The following RASGRP2 variants were observed in gnomAD, a reference collection of about 807,000 sequenced individuals.
The protein encoded by RASGRP2 is RAS guanyl releasing protein 2.
A neutral mutation model predicts 71.0 loss-of-function variants in RASGRP2; 44 were observed. That is an observed-to-expected ratio of 0.62 (90% CI 0.49 to 0.80). RASGRP2 has a LOEUF of 0.80. RASGRP2 is among the 30% of genes least tolerant of loss of function. RASGRP2 has a pLI of 0.00. For missense variants in RASGRP2, 663 were observed against 813.4 expected, an observed-to-expected ratio of 0.82 and a Z score of 2.25; for synonymous variants, 350 against 330.7, an observed-to-expected ratio of 1.06 and a Z score of -0.63.
intron 12 of RASGRP2, among the ~76,000 whole-genome samples, chr11:64,733,310 G>A (rs1483819327): frequency 6.6e-6 from 1 of 151,852 alleles, no homozygotes; most frequent in African/African-American, 2.4e-5. Flanking sequence ...GGTGAGCTGG[G>A]CCTGGTCCTG....
At chr11:64,741,647 C>G in intron 3 of RASGRP2, 146 bp from the exon 4 acceptor site, 1 of 774,974 alleles carries the variant, frequency 1.3e-6, no homozygotes, top group Non-Finnish European at 2.2e-6. Context: ...GGCTTGAGCT[C>G]TGGGAGGGGT....
Position 64,727,129 on chromosome 11 carries a change from C to G in RASGRP2, c.*9G>C. On this transcript the variant is annotated splice_region_variant and 3_prime_UTR_variant, in exon 17 of 17. Transcript: ENST00000394432. ...CAGGAATGAGTCCTTGATCCAACCACAGCTGGGAAGAGAAAAACAGGTTGT... is the reference window on the plus strand; with the variant it reads ...CAGGAATGAGTCCTTGATCCAACCAGAGCTGGGAAGAGAAAAACAGGTTGT... 1.6e-6 allele frequency: 1 copy of G among 616,268 alleles called. No homozygotes were observed. Among genetic ancestry groups the G allele is most frequent in the Non-Finnish European group, 3.0e-6 (1 of 334,678 alleles). The allele number at this position is 616,268 out of a possible 1,614,324, so 38.2% of individuals were successfully genotyped here.
chr11:64,740,826 G>A, intron 5 of RASGRP2, 122 bp downstream of exon 5: 4 of 1,340,024 alleles, frequency 3.0e-6, no homozygotes, highest in Non-Finnish European at 4.3e-6. Context: ...AGGGAGCCAT[G>A]GAAGGTTTTT....
chr11:64,734,906 T>C (rs1328272901), intron 12 of RASGRP2, among the ~76,000 whole-genome samples: 1 of 152,142 alleles, frequency 6.6e-6, no homozygotes, highest in African/African-American at 2.4e-5. Context: ...GAGCCCCCCA[T>C]CTGTCTGAAT....
rs564246353 is a variant in RASGRP2, at chr11:64,735,678, C to T, written c.1174-14G>A. On this transcript the variant is annotated splice_polypyrimidine_tract_variant and intron_variant, in intron 10 of 16. Coordinates refer to ENST00000394432, the MANE Select transcript of RASGRP2 (RefSeq NM_001098671.2). The surrounding 1 kb of genome is among the most constrained non-coding windows in gnomAD (Gnocchi z 4.2). ...GGGGCTGGTTGGCTATGGAAATGGT[C>T]GGGCCTGAGCTAGGGCCAGAGGCAG... is the stretch of plus-strand genomic sequence containing the variant. The T allele has an allele frequency of 1.6e-5, 26 of 1,604,388 alleles. No homozygotes were observed. In the East Asian group the frequency reaches 3.8e-4, roughly 24 times the overall value.
At chr11:64,730,498 C>T (rs2057730864) in intron 12 of RASGRP2, among the ~76,000 whole-genome samples, 1 of 152,256 alleles carries the variant, frequency 6.6e-6, no homozygotes, top group Non-Finnish European at 1.5e-5. Context: ...AACCATCAGC[C>T]TCGGGCTCCC....
rs995834222 is a variant in RASGRP2 at position 64,742,684 on chromosome 11, C to G, written c.73+110G>C. 1.4e-6 allele frequency: 2 copies of G among 1,414,234 alleles called. No individual in the cohort carries two copies. Among genetic ancestry groups the G allele is most frequent in the Admixed American group, 3.9e-5 (2 of 50,780 alleles). 87.6% of individuals were successfully genotyped at this position (1,414,234 alleles called of 1,614,324 possible). On this transcript the variant is annotated intron_variant, in intron 2 of 16. Coordinates refer to ENST00000394432, the MANE Select transcript of RASGRP2 (RefSeq NM_001098671.2). The surrounding 1 kb of genome is among the most constrained non-coding windows in gnomAD (Gnocchi z 4.7). ...GTTAAAGAGACTGCACGCTGCGGAGCAGGGTGGGTCCGGGTCAGGGCTGTG... is the reference window on the plus strand; with the variant it reads ...GTTAAAGAGACTGCACGCTGCGGAGGAGGGTGGGTCCGGGTCAGGGCTGTG...
At chr11:64,744,284 G>C, upstream of RASGRP2, 1 of 985,462 alleles carries the variant, frequency 1.0e-6, no homozygotes, top group South Asian at 4.7e-5. Flanking sequence ...CCCAGATTTT[G>C]GCAGAGCCTT....
chr11:64,741,588 G>A (rs1272013010), intron 3 of RASGRP2, 87 bp from the exon 4 acceptor site: 3 of 1,207,580 alleles, frequency 2.5e-6, no homozygotes, highest in Non-Finnish European at 3.6e-6. Context: ...GGTTCTAGGA[G>A]ACACGTTCTA....
chr11:64,737,210 A>G, intron 8 of RASGRP2, 176 bp from the exon 9 acceptor site: 1 of 730,078 alleles, frequency 1.4e-6, no homozygotes, highest in Non-Finnish European at 2.3e-6. Context: ...ATTCATTGCC[A>G]TGAATTCAAG....
At chr11:64,736,195 T>C (rs1385236605) in intron 9 of RASGRP2, among the ~76,000 whole-genome samples, 1 of 152,146 alleles carries the variant, frequency 6.6e-6, no homozygotes, top group African/African-American at 2.4e-5. Flanking sequence ...GAACACAACA[T>C]ATTGCCAAGA....
In RASGRP2 at chr11:64,741,046, G is replaced by A; in HGVS notation, c.273C>T (p.Asp91=). The stretch of plus-strand genomic sequence containing the variant: ...TCTGCTCAGCCAACTCCGGGTTCAA[G>A]TCAAACTCCGCTGGGAAGGCGGAGA... The part of the protein sequence containing the change: ...YWISAFPAEF[D]LNPELAEQIK... The change falls in exon 5 of 17, where the codon GAC becomes GAT. Residue 91 remains aspartate, a synonymous_variant. Transcript: ENST00000394432. The A allele has an allele frequency of 6.2e-7, 1 of 1,613,696 alleles. No individual in the cohort carries two copies. The highest frequency in any genetic ancestry group is 1.1e-5 in the South Asian group (1 of 91,048).
Position 64,730,012 on chromosome 11 carries a change from G to C in RASGRP2, c.1554+41C>G, listed in dbSNP as rs767073635. On this transcript the variant is annotated intron_variant, in intron 13 of 16. Transcript: ENST00000394432. ...AAGGGAGGGCGGGGCCGGGGCTGGAGGGGCGTGGCTTGGGCCGTGAGCCGG... is the reference window on the plus strand; with the variant it reads ...AAGGGAGGGCGGGGCCGGGGCTGGACGGGCGTGGCTTGGGCCGTGAGCCGG... 5.8e-6 allele frequency: 9 copies of C among 1,542,168 alleles called. No homozygotes were observed. In the South Asian group the frequency reaches 1.1e-4, roughly 18 times the overall value.
chr11:64,739,627 G>A lies in RASGRP2; in HGVS notation c.696+9C>T. On this transcript the variant is annotated intron_variant, in intron 7 of 16. Coordinates refer to ENST00000394432, the MANE Select transcript of RASGRP2 (RefSeq NM_001098671.2). This position sits in a 1 kb window ranked among gnomAD's most constrained non-coding sequence, Gnocchi z 4.2. ...TGGTTGGGAGACACCGGGAGGGAGG[G>A]GCAGGCACCTCCGCCACGTGGACAA... The A allele has an allele frequency of 6.2e-7, 1 of 1,612,908 alleles. No homozygotes were observed. Among genetic ancestry groups the A allele is most frequent in the South Asian group, 1.1e-5 (1 of 91,070 alleles).
intron 14 of RASGRP2, 119 bp from the exon 15 acceptor site, chr11:64,729,161 A>C: frequency 1.0e-6 from 1 of 992,934 alleles, no homozygotes; most frequent in Non-Finnish European, 1.5e-6. Context: ...GCCCCACCAA[A>C]ATAAGAGTCT....
chr11:64,738,348 G>A (rs1241059830), intron 8 of RASGRP2, among the ~76,000 whole-genome samples: 1 of 152,182 alleles, frequency 6.6e-6, no homozygotes, highest in Non-Finnish European at 1.5e-5. Context: ...GGGCGCTTGG[G>A]GGCCTGGCAA....
Position 64,742,542 on chromosome 11 carries a change from T to G in RASGRP2, c.73+252A>C. 3.3e-6 allele frequency: 2 copies of G among 597,018 alleles called. No individual in the cohort carries two copies. Among genetic ancestry groups the G allele is most frequent in the South Asian group, 3.9e-5 (2 of 50,732 alleles). The allele number at this position is 597,018 out of a possible 1,614,324, so 37.0% of individuals were successfully genotyped here. A position where few individuals can be genotyped will look rare whatever the true frequency, so the allele number is the denominator to read the frequency against. ...CGGGAGACAGATAATGCCCCTCAAG[T>G]GTCAGAGTCCGGGACCCGGCCCTCC... On this transcript the variant is annotated intron_variant, in intron 2 of 16. Transcript: ENST00000394432. This position sits in a 1 kb window ranked among gnomAD's most constrained non-coding sequence, Gnocchi z 4.7.
At chr11:64,731,206 A>C (rs1359550154) in intron 12 of RASGRP2, among the ~76,000 whole-genome samples, 1 of 152,146 alleles carries the variant, frequency 6.6e-6, no homozygotes, top group Non-Finnish European at 1.5e-5. Context: ...AATACAAAAA[A>C]TTAGCCAGGC....
Position 64,726,954 on chromosome 11 carries a change from C to A in RASGRP2, c.*184G>T. 4.1e-6 allele frequency: 1 copy of A among 243,026 alleles called. No homozygotes were observed. Among genetic ancestry groups the A allele is most frequent in the East Asian group, 9.4e-5 (1 of 10,602 alleles). The allele number at this position is 243,026 out of a possible 1,614,324, so 15.1% of individuals were successfully genotyped here. On this transcript the variant is annotated 3_prime_UTR_variant, in exon 17 of 17. Coordinates refer to ENST00000394432, the MANE Select transcript of RASGRP2 (RefSeq NM_001098671.2). Reference sequence around the variant, plus strand: ...GCCTTTTTATTCCATCTGGAAAATACAAATATTCACAAGAGTCTGTACAAC... The same window carrying A: ...GCCTTTTTATTCCATCTGGAAAATAAAAATATTCACAAGAGTCTGTACAAC...
Sources: allele counts gnomAD v4.1 joint callset (sites outside exome capture counted in the v4.1 genomes callset), GRCh38; gene constraint gnomAD v4.1.1; non-coding constraint Gnocchi (gnomAD v3.1); transcripts MANE v1.5; gene names NCBI Gene and HGNC (gene_info 2026-07-23, HGNC 2026-07-21).